Variants in KLF12 observed in about 807,000 individuals in gnomAD.
KLF12 encodes the protein Krueppel-like factor 12.
KLF12 carries 9 observed loss-of-function variants against 37.8 expected under a neutral mutation model. The ratio of observed to expected loss-of-function variants is 0.24; its 90% CI spans 0.14 to 0.42. The LOEUF is 0.42. KLF12 is among the 10% of genes least tolerant of loss of function. KLF12 has a pLI of 1.00. For synonymous variants in KLF12, 208 were observed against 202.1 expected, an observed-to-expected ratio of 1.03 and a Z score of -0.25; for missense variants, 411 against 516.0, an observed-to-expected ratio of 0.80 and a Z score of 1.97.
the KLF12 span, among the ~76,000 whole-genome samples, chr13:74,144,605 A>G: frequency 3.3e-5 from 5 of 152,198 alleles, no homozygotes; most frequent in Admixed American, 2.6e-4. Context: ...ATGGCTGAAC[A>G]TTGTATTTTA....
At chr13:74,112,876 T>C (rs768443125) in intron 1 of KLF12, among the ~76,000 whole-genome samples, 6 of 152,204 alleles carry the variant, frequency 3.9e-5, no homozygotes, top group Non-Finnish European at 8.8e-5. Context: ...GCCAGGCCTC[T>C]TGTGCCAAAG....
chr13:73,809,048 A>C (rs1882793620), intron 5 of KLF12, among the ~76,000 whole-genome samples: 1 of 152,160 alleles, frequency 6.6e-6, no homozygotes, highest in African/African-American at 2.4e-5. Context: ...TTTAATTGTA[A>C]AGACAAATGT....
intron 3 of KLF12, among the ~76,000 whole-genome samples, chr13:73,914,572 G>A (rs1159865953): frequency 6.6e-6 from 1 of 152,156 alleles, no homozygotes; most frequent in East Asian, 1.9e-4. Flanking sequence ...AGTATGAGTT[G>A]CACGGGTGAA....
At chr13:73,933,549 C>T (rs1428544233) in intron 3 of KLF12, among the ~76,000 whole-genome samples, 1 of 152,126 alleles carries the variant, frequency 6.6e-6, no homozygotes, top group Non-Finnish European at 1.5e-5. Flanking sequence ...CATGGCTAAA[C>T]ACGAATAGTC....
the KLF12 span, among the ~76,000 whole-genome samples, chr13:74,197,107 T>G: frequency 1.3e-5 from 2 of 152,086 alleles, no homozygotes; most frequent in African/African-American, 4.8e-5. Flanking sequence ...CTCAGACAAC[T>G]CAGAATTTAT....
intron 3 of KLF12, among the ~76,000 whole-genome samples, chr13:73,893,861 A>C (rs1887629829): frequency 6.6e-6 from 1 of 152,194 alleles, no homozygotes; most frequent in Non-Finnish European, 1.5e-5. Flanking sequence ...AAACGGAAAC[A>C]GGGAAGAAGC....
the KLF12 span, among the ~76,000 whole-genome samples, chr13:74,256,706 G>A: frequency 6.6e-6 from 1 of 151,840 alleles, no homozygotes; most frequent in African/African-American, 2.4e-5. Context: ...GTGTGTGTGT[G>A]TGTGTGTGTG....
At chr13:74,029,044 A>G (rs1343739126) in intron 1 of KLF12, among the ~76,000 whole-genome samples, 2 of 152,094 alleles carry the variant, frequency 1.3e-5, no homozygotes, top group African/African-American at 4.8e-5. Flanking sequence ...CAAGTAGGTA[A>G]TTTTGGTAAC....
chr13:73,749,911 C>G (rs777203463), intron 6 of KLF12, among the ~76,000 whole-genome samples: 1 of 152,130 alleles, frequency 6.6e-6, no homozygotes, highest in East Asian at 1.9e-4. Context: ...AAGCTCTTTC[C>G]TACATACTCA....
At chr13:74,298,878 C>A in the KLF12 span, among the ~76,000 whole-genome samples, 27 of 152,148 alleles carry the variant, frequency 1.8e-4, no homozygotes, top group African/African-American at 6.3e-4. Context: ...AAACCAGGGA[C>A]TCCTGTGCTC....
the KLF12 span, among the ~76,000 whole-genome samples, chr13:74,180,322 C>A: frequency 6.6e-6 from 1 of 152,154 alleles, no homozygotes; most frequent in Non-Finnish European, 1.5e-5. Flanking sequence ...GAAATACTTG[C>A]CATTGAAAGA....
At chr13:73,835,513 G>C (rs945713566) in intron 4 of KLF12, among the ~76,000 whole-genome samples, 1 of 152,018 alleles carries the variant, frequency 6.6e-6, no homozygotes, top group Non-Finnish European at 1.5e-5. Context: ...GAAGAAGACA[G>C]AAAAATGGAG....
chr13:74,221,201 T>G, the KLF12 span, among the ~76,000 whole-genome samples: 4 of 152,258 alleles, frequency 2.6e-5, no homozygotes, highest in African/African-American at 9.6e-5. Context: ...AGAGACGGGG[T>G]TTCACTGTGT....
At position 73,936,988 on chromosome 13, in the gene KLF12, G is replaced by A. The variant is rs759774889; in HGVS notation, c.123+6993C>T. Among the ~76,000 whole-genome samples the A allele has an allele frequency of 5.3e-5, 8 of 152,190 alleles. No homozygotes were observed. In the South Asian group the frequency reaches 1.7e-3, roughly 32 times the overall value. ...AGGTGGATCACGAGGTCAGAAGATC[G>A]AGACCATCCTGGTCAACATGGTGAA... is the stretch of plus-strand genomic sequence containing the variant. On this transcript the variant is annotated intron_variant, in intron 3 of 7. Transcript: ENST00000377669.
intron 1 of KLF12, among the ~76,000 whole-genome samples, chr13:74,091,334 C>T (rs1383337250): frequency 6.6e-6 from 1 of 152,080 alleles, no homozygotes; most frequent in Non-Finnish European, 1.5e-5. Flanking sequence ...AGATATGACA[C>T]CAAAACCACA....
chr13:74,281,503 G>A, the KLF12 span, among the ~76,000 whole-genome samples: 1 of 152,142 alleles, frequency 6.6e-6, no homozygotes, highest in Non-Finnish European at 1.5e-5. Context: ...GATAAAGTAA[G>A]TACTAGGGTA....
intron 1 of KLF12, among the ~76,000 whole-genome samples, chr13:74,003,507 TA>T (rs1345978897): frequency 6.6e-6 from 1 of 152,200 alleles, no homozygotes; most frequent in African/African-American, 2.4e-5. Flanking sequence ...TCTGAAAGTC[TA>T]ACTTCTGTGT....
chr13:73,903,266 T>C (rs954447879), intron 3 of KLF12, among the ~76,000 whole-genome samples: 6 of 152,184 alleles, frequency 3.9e-5, no homozygotes, highest in Admixed American at 2.0e-4. Context: ...GTGATAGTGA[T>C]GAAGTGATCT....
chr13:73,998,668 A>C (rs1206339791), intron 1 of KLF12, among the ~76,000 whole-genome samples: 1 of 152,200 alleles, frequency 6.6e-6, no homozygotes, highest in Non-Finnish European at 1.5e-5. Flanking sequence ...GGCTTTGTGC[A>C]TGTCAGTCTG....
Sources: allele counts gnomAD v4.1 joint callset (sites outside exome capture counted in the v4.1 genomes callset), GRCh38; gene constraint gnomAD v4.1.1; transcripts MANE v1.5; gene names NCBI Gene and HGNC (gene_info 2026-07-23, HGNC 2026-07-21).